Variants in MBOAT2 observed in about 807,000 individuals in gnomAD.
The protein encoded by MBOAT2 is membrane-bound glycerophospholipid O-acyltransferase 2.
In MBOAT2, 28 loss-of-function variants were observed where a neutral mutation model predicts 63.4. The ratio of observed to expected loss-of-function variants is 0.44; its 90% CI spans 0.33 to 0.61. MBOAT2 has a LOEUF of 0.61. Ranked by LOEUF, MBOAT2 falls within the 20% of genes least tolerant of loss-of-function variation. The pLI is 0.03. For synonymous variants in MBOAT2, 211 were observed against 215.6 expected (o/e 0.98, Z 0.19); for missense variants, 470 against 605.8 (o/e 0.78, Z 2.35).
At chr2:8,899,063 G>A (rs987967771) in intron 4 of MBOAT2, among the ~76,000 whole-genome samples, 27 of 152,328 alleles carry the variant, frequency 1.8e-4, no homozygotes, top group African/African-American at 5.8e-4. Context: ...GGTCTTAAGG[G>A]ATATTGCCTT....
chr2:8,874,254 C>T (rs1214575693), intron 7 of MBOAT2, among the ~76,000 whole-genome samples: 1 of 152,154 alleles, frequency 6.6e-6, no homozygotes, highest in Non-Finnish European at 1.5e-5. Flanking sequence ...GTTGCTCCTG[C>T]GAGGTGGAAC....
chr2:8,978,335 G>T (rs1022274098), intron 1 of MBOAT2, among the ~76,000 whole-genome samples: 1 of 152,072 alleles, frequency 6.6e-6, no homozygotes, highest in Non-Finnish European at 1.5e-5. Context: ...AAGCTTCACA[G>T]ACCTTACAAT....
chr2:8,942,741 G>A (rs1346772455), intron 3 of MBOAT2, among the ~76,000 whole-genome samples: 2 of 152,062 alleles, frequency 1.3e-5, no homozygotes, highest in Non-Finnish European at 2.9e-5. Context: ...TTTCCTACCG[G>A]TCCTTCTAAC....
intron 1 of MBOAT2, among the ~76,000 whole-genome samples, chr2:8,966,865 T>C (rs1398528160): frequency 3.9e-5 from 6 of 152,190 alleles, no homozygotes; most frequent in Non-Finnish European, 5.9e-5. Context: ...GTGTCTAACA[T>C]GGGGACTAGG....
At chr2:8,882,667 A>G in intron 5 of MBOAT2, 102 bp from the exon 6 acceptor site, 1 of 997,604 alleles carries the variant, frequency 1.0e-6, no homozygotes, top group South Asian at 1.4e-5. Context: ...AATTCATGCT[A>G]TTATATTCCT....
chr2:8,945,159 G>A lies in MBOAT2; in HGVS notation c.222-1895C>T, dbSNP rs1668328712. 2.0e-5 allele frequency among the ~76,000 whole-genome samples: 3 copies of A among 152,134 alleles called. No homozygotes were observed. The South Asian group carries it at 6.2e-4, about 31-fold the overall frequency. ...GGTGATATGTTTGGCCATCTTTGGA[G>A]AGCAGTATAATACTTGGGCAGCCTC... On this transcript the variant is annotated intron_variant, in intron 2 of 12. Coordinates refer to ENST00000305997, the MANE Select transcript of MBOAT2 (RefSeq NM_138799.4).
chr2:8,995,690 G>GC (rs1476856063), intron 1 of MBOAT2, among the ~76,000 whole-genome samples: 1 of 149,176 alleles, frequency 6.7e-6, no homozygotes, highest in Admixed American at 6.7e-5. Context: ...TCCCGGGTTC[G>GC]CGCCATTCTC....
chr2:8,980,817 T>C (rs1166785584), intron 1 of MBOAT2, among the ~76,000 whole-genome samples: 1 of 152,108 alleles, frequency 6.6e-6, no homozygotes, highest in African/African-American at 2.4e-5. Context: ...ATGTGAGACA[T>C]GGTTATCATA....
At chr2:8,927,484 A>G (rs1200690160) in intron 3 of MBOAT2, among the ~76,000 whole-genome samples, 1 of 152,206 alleles carries the variant, frequency 6.6e-6, no homozygotes, top group Admixed American at 6.5e-5. Context: ...CTGAAGACTT[A>G]AGTGAGGTAA....
intron 4 of MBOAT2, among the ~76,000 whole-genome samples, chr2:8,899,432 C>T (rs1213312745): frequency 1.3e-5 from 2 of 152,190 alleles, no homozygotes; most frequent in Non-Finnish European, 2.9e-5. Flanking sequence ...GAGATTAGCA[C>T]TGAGAAGGCC....
At chr2:9,002,793 C>T (rs1330429247) in intron 1 of MBOAT2, among the ~76,000 whole-genome samples, 3 of 152,212 alleles carry the variant, frequency 2.0e-5, no homozygotes, top group Admixed American at 6.5e-5. Flanking sequence ...TAAATACCAC[C>T]CTTCCCTAGA....
intron 3 of MBOAT2, among the ~76,000 whole-genome samples, chr2:8,931,330 T>G (rs1237337940): frequency 1.3e-5 from 2 of 152,210 alleles, no homozygotes; most frequent in African/African-American, 4.8e-5. Flanking sequence ...ATGTCTTCTT[T>G]TGAGAAGTGT....
intron 1 of MBOAT2, among the ~76,000 whole-genome samples, chr2:8,972,154 T>C (rs1053088878): frequency 3.9e-5 from 6 of 152,172 alleles, no homozygotes; most frequent in Admixed American, 3.9e-4. Flanking sequence ...AGCATAGTAC[T>C]GGTACCAAAA....
intron 9 of MBOAT2, among the ~76,000 whole-genome samples, chr2:8,866,475 T>C (rs1019891158): frequency 2.0e-5 from 3 of 152,240 alleles, no homozygotes; most frequent in Non-Finnish European, 4.4e-5. Flanking sequence ...TCCATTTTTA[T>C]TGCCAACATT....
In MBOAT2 at chr2:8,938,746, G is replaced by A. The variant is rs1036310294; in HGVS notation, c.299+4441C>T. ...TTTCATGCCACCGTTGTCTCATGCC[G>A]CCACATTTCATGCCGTGTTTCATGC... On this transcript the variant is annotated intron_variant, in intron 3 of 12. Transcript: ENST00000305997. 4.0e-5 allele frequency among the ~76,000 whole-genome samples: 6 copies of A among 150,906 alleles called. No homozygotes were observed. In the East Asian group the frequency reaches 5.9e-4, roughly 15 times the overall value.
chr2:8,902,791 G>C lies in MBOAT2; in HGVS notation c.395+5830C>G, dbSNP rs930071045. On this transcript the variant is annotated intron_variant, in intron 4 of 12. Coordinates refer to ENST00000305997, the MANE Select transcript of MBOAT2 (RefSeq NM_138799.4). ...CTCATAAAGGTGGCGGGGACCCAAA[G>C]AGTGAGCAGCAGCAAGATTTATTGT... 3.9e-5 allele frequency among the ~76,000 whole-genome samples: 6 copies of C among 152,326 alleles called. No individual in the cohort carries two copies. The South Asian group carries it at 1.2e-3, about 32-fold the overall frequency.
chr2:8,974,401 G>A lies in MBOAT2; in HGVS notation c.76-15759C>T, dbSNP rs746132805. On this transcript the variant is annotated intron_variant, in intron 1 of 12. Coordinates refer to ENST00000305997, the MANE Select transcript of MBOAT2 (RefSeq NM_138799.4). The stretch of plus-strand genomic sequence containing the variant: ...TGCCAGGTACGTGAGACACACGGAA[G>A]GGGAAAGACACCCGGGAATCATGTG... The A allele has an allele frequency of 7.7e-5, 35 of 456,458 alleles. 1 individual carries two copies. Among genetic ancestry groups the A allele is most frequent in the South Asian group, 4.6e-4 (30 of 64,536 alleles). The allele number at this position is 456,458 out of a possible 1,614,324, so 28.3% of individuals were successfully genotyped here.
intron 1 of MBOAT2, among the ~76,000 whole-genome samples, chr2:9,001,727 G>A (rs185373310): frequency 2.0e-5 from 3 of 152,254 alleles, no homozygotes; most frequent in Admixed American, 2.0e-4. Context: ...GCTTAAATGC[G>A]TTCATTAATA....
Position 8,854,712 on chromosome 2 carries a change from T to C in MBOAT2, c.*3967A>G, listed in dbSNP as rs925859319. On this transcript the variant is annotated 3_prime_UTR_variant, in exon 13 of 13. Coordinates refer to ENST00000305997, the MANE Select transcript of MBOAT2 (RefSeq NM_138799.4). Reference sequence around the variant, plus strand: ...ATACAAACTAAATACTTACAAGGTATGAACTTTAAATAGGAGAGATTTTTG... The same window carrying C: ...ATACAAACTAAATACTTACAAGGTACGAACTTTAAATAGGAGAGATTTTTG... 6.6e-6 allele frequency: 1 copy of C among 152,224 alleles called. No homozygotes were observed. Among genetic ancestry groups the C allele is most frequent in the Non-Finnish European group, 1.5e-5 (1 of 68,032 alleles). The allele number at this position is 152,224 out of a possible 1,614,324, so 9.4% of individuals were successfully genotyped here. A position where few individuals can be genotyped will look rare whatever the true frequency, so the allele number is the denominator to read the frequency against.
Sources: gnomAD v4.1 joint callset for allele counts (sites outside exome capture counted in the v4.1 genomes callset) on GRCh38, gnomAD v4.1.1 for gene constraint, MANE v1.5 for transcripts, NCBI Gene and HGNC (gene_info 2026-07-23, HGNC 2026-07-21) for gene names.